ACAA1: variants seen among roughly 807,000 people sequenced by gnomAD.
The protein encoded by ACAA1 is acetyl-CoA acyltransferase 1, also known as 3-ketoacyl-CoA thiolase, peroxisomal.
In ACAA1, 44 loss-of-function variants were observed where a neutral mutation model predicts 48.8. That is an observed-to-expected ratio of 0.90 (90% CI 0.71 to 1.16). ACAA1 has a LOEUF of 1.16. Ranked by LOEUF, ACAA1 falls within the 50% of genes most tolerant of loss-of-function variation. The pLI, the probability that ACAA1 is intolerant of heterozygous loss-of-function variation, is 0.00. For synonymous variants in ACAA1, 233 were observed against 226.5 expected, an observed-to-expected ratio of 1.03 and a Z score of -0.26; for missense variants, 512 against 562.3, an observed-to-expected ratio of 0.91 and a Z score of 0.90.
chr3:38,135,827 A>C (rs1700879918), intron 2 of ACAA1, among the ~76,000 whole-genome samples: 1 of 152,008 alleles, frequency 6.6e-6, no homozygotes, highest in Non-Finnish European at 1.5e-5. Context: ...GGGTGTCTGC[A>C]AAGAGGCCTT....
Position 38,125,571 on chromosome 3 carries a change from C to T in ACAA1, c.1193G>A (p.Gly398Glu). The T allele has an allele frequency of 6.4e-7, 1 of 1,552,410 alleles. No individual in the cohort carries two copies. Among genetic ancestry groups the T allele is most frequent in the Non-Finnish European group, 8.7e-7 (1 of 1,150,364 alleles). ...GCCAGGAGCAAAGCCTTACCTCTTC[C>T]CACGGCGCTTCAGCTCATTGAGCAG... ...ITLLNELKRR[G>E]KRAYGVVSMC... Residue 398 changes from glycine (G) to glutamate (E), a missense_variant, in exon 11 of 12, where the codon GGG becomes GAG. Gly to Glu is a moderately conservative substitution (Grantham distance 98, BLOSUM62 -2). Coordinates refer to ENST00000333167, the MANE Select transcript of ACAA1 (RefSeq NM_001607.4).
intron 7 of ACAA1, among the ~76,000 whole-genome samples, chr3:38,127,219 A>T (rs1700698915): frequency 1.3e-5 from 2 of 152,234 alleles, no homozygotes; most frequent in Non-Finnish European, 2.9e-5. Flanking sequence ...GGGACATTCA[A>T]GTGGAAGGAA....
chr3:38,128,966 T>G (rs767082030), intron 6 of ACAA1, among the ~76,000 whole-genome samples: 9 of 152,168 alleles, frequency 5.9e-5, no homozygotes, highest in Non-Finnish European at 1.3e-4. Context: ...GTCACAAGCT[T>G]CCCACTGCCT....
chr3:38,133,579 G>A (rs1197956528), intron 3 of ACAA1: 2 of 240,588 alleles, frequency 8.3e-6, no homozygotes, highest in Non-Finnish European at 1.7e-5. Flanking sequence ...GTCTCTGCTA[G>A]TGGGATATGA....
At chr3:38,128,808 G>A (rs1439636972) in intron 6 of ACAA1, among the ~76,000 whole-genome samples, 1 of 152,112 alleles carries the variant, frequency 6.6e-6, no homozygotes, top group South Asian at 2.1e-4. Context: ...AGCCAGGATG[G>A]TCTCGATCTC....
Position 38,136,597 on chromosome 3 carries a change from C to A in ACAA1, c.260G>T (p.Cys87Phe). The A allele has an allele frequency of 6.2e-7, 1 of 1,614,034 alleles. No individual in the cohort carries two copies. The highest frequency in any genetic ancestry group is 8.5e-7 in the Non-Finnish European group (1 of 1,180,008). ...NLRPEQLGDICVGNVLQPGAG... is the reference protein window; with the variant it reads ...NLRPEQLGDIFVGNVLQPGAG... ...GGCCTGAGTGGTTCGCTCACCGACA[C>A]AGATGTCCCCCAGCTGTTCCGGCCT... Residue 87 changes from cysteine to phenylalanine, a missense_variant, in exon 2 of 12, where the codon TGT (cysteine) becomes TTT (phenylalanine). Physicochemically the swap from Cys to Phe is radical, Grantham distance 205. Transcript: ENST00000333167.
chr3:38,133,750 TC>T, intron 3 of ACAA1: 1 of 597,936 alleles, frequency 1.7e-6, no homozygotes, highest in East Asian at 3.0e-5. Context: ...TCTGCTCCAG[TC>T]CCAAAGGTTT....
At chr3:38,133,183 G>C (rs1053843812) in intron 3 of ACAA1, among the ~76,000 whole-genome samples, 1 of 152,146 alleles carries the variant, frequency 6.6e-6, no homozygotes, top group African/African-American at 2.4e-5. Flanking sequence ...AGAAAGAGGA[G>C]GTAGGGCTAG....
At chr3:38,134,241 C>T in intron 2 of ACAA1, 1 of 574,510 alleles carries the variant, frequency 1.7e-6, no homozygotes, top group Middle Eastern at 3.9e-4. Context: ...GCTCACTTGC[C>T]CATGCACCCA....
At chr3:38,132,580 TC>T (rs1700810724) in intron 3 of ACAA1, 1 of 152,448 alleles carries the variant, frequency 6.6e-6, no homozygotes, top group Non-Finnish European at 1.5e-5. Context: ...TCTGGTAGGT[TC>T]CCCAAGACTC....
chr3:38,123,849 A>AAAT (rs1700605919), intron 11 of ACAA1: 1 of 151,952 alleles, frequency 6.6e-6, no homozygotes, highest in Non-Finnish European at 1.5e-5. Flanking sequence ...AAAAATACAA[A>AAAT]AATTAGCTGG....
At chr3:38,135,500 A>G (rs1315055993) in intron 2 of ACAA1, among the ~76,000 whole-genome samples, 1 of 152,074 alleles carries the variant, frequency 6.6e-6, no homozygotes, top group African/African-American at 2.4e-5. Context: ...GGTCAACAGG[A>G]AAAAATGTGA....
chr3:38,125,128 T>C (rs1366676200), intron 11 of ACAA1: 1 of 154,126 alleles, frequency 6.5e-6, no homozygotes, highest in Non-Finnish European at 1.4e-5. Flanking sequence ...TCATATTAGT[T>C]ACATGGTATA....
intron 11 of ACAA1, chr3:38,124,650 C>T (rs1315087875): frequency 6.6e-6 from 1 of 152,144 alleles, no homozygotes; most frequent in African/African-American, 2.4e-5. Context: ...AAGTAGTCAA[C>T]CAAAGAACCA....
chr3:38,130,243 C>T lies in ACAA1; in HGVS notation c.447-855G>A, dbSNP rs149818651. 1.6e-4 allele frequency among the ~76,000 whole-genome samples: 24 copies of T among 152,324 alleles called. No individual in the cohort carries two copies. In the South Asian group the frequency reaches 2.1e-3, roughly 13 times the overall value. On this transcript the variant is annotated intron_variant, in intron 5 of 11. Transcript: ENST00000333167. ...GATAACCTTGACTGAGTGCTTTTCA[C>T]GTGCCCAGCACTATTCTGAATTCTT...
intron 3 of ACAA1, chr3:38,132,482 AC>A (rs1700808746): frequency 6.4e-6 from 1 of 155,830 alleles, no homozygotes; most frequent in Non-Finnish European, 1.4e-5. Flanking sequence ...CATATAGCTA[AC>A]CCTGCATGTT....
chr3:38,134,244 T>G, intron 2 of ACAA1: 1 of 573,100 alleles, frequency 1.7e-6, no homozygotes, highest in Non-Finnish European at 3.1e-6. Flanking sequence ...CACTTGCCCA[T>G]GCACCCAGCT....
Position 38,125,598 on chromosome 3 carries a change from G to C in ACAA1, c.1166C>G (p.Thr389Arg), listed in dbSNP as rs138308587. Residue 389 changes from threonine (T) to arginine (R), a missense_variant, in exon 11 of 12, where the codon ACG becomes AGG. Physicochemically the swap from Thr to Arg is moderately conservative, Grantham distance 71 (BLOSUM62 -1). Transcript: ENST00000333167. ...LGCTGARQVITLLNELKRRGK... is the reference protein window; with the variant it reads ...LGCTGARQVIRLLNELKRRGK... Reference sequence around the variant, plus strand: ...ACGGCGCTTCAGCTCATTGAGCAGCGTGATGACCTGTCGTGCCCCAGTGCA... The same window carrying C: ...ACGGCGCTTCAGCTCATTGAGCAGCCTGATGACCTGTCGTGCCCCAGTGCA... 1 of 1,588,452 alleles carries C rather than the reference G, an allele frequency of 6.3e-7. No individual in the cohort carries two copies. Among genetic ancestry groups the C allele is most frequent in the East Asian group, 2.2e-5 (1 of 44,614 alleles).
Position 38,129,989 on chromosome 3 carries a change from G to A in ACAA1, c.447-601C>T, listed in dbSNP as rs1329021610. Among the ~76,000 whole-genome samples the A allele has an allele frequency of 6.6e-6, 1 of 152,204 alleles. No homozygotes were observed. Among genetic ancestry groups the A allele is most frequent in the Non-Finnish European group, 1.5e-5 (1 of 68,026 alleles). ...CAGGAGGCGGAACTTGCAGTGAGAT[G>A]AGATCGTGTCACTGCACTCCAGCCT... On this transcript the variant is annotated intron_variant, in intron 5 of 11. Coordinates refer to ENST00000333167, the MANE Select transcript of ACAA1 (RefSeq NM_001607.4). The surrounding 1 kb of genome is among the most constrained non-coding windows in gnomAD (Gnocchi z 5.3).
Sources: allele counts gnomAD v4.1 joint callset (sites outside exome capture counted in the v4.1 genomes callset), GRCh38; gene constraint gnomAD v4.1.1; non-coding constraint Gnocchi (gnomAD v3.1); transcripts MANE v1.5; gene names NCBI Gene and HGNC (gene_info 2026-07-23, HGNC 2026-07-21).